Variants in CPM observed in about 807,000 individuals in gnomAD.
CPM encodes the protein renal carboxypeptidase.
A neutral mutation model predicts 46.4 loss-of-function variants in CPM; 35 were observed. The observed-to-expected ratio is 0.75, with a 90% confidence interval of 0.58 to 1.00. The LOEUF is 1.00. Ranked by LOEUF, CPM falls within the 50% of genes least tolerant of loss-of-function variation. The pLI is 0.00. For missense variants in CPM, 422 were observed against 530.4 expected (o/e 0.80, Z 2.01); for synonymous variants, 195 against 195.3 (o/e 1.00, Z 0.01).
chr12:68,923,816 T>G (rs1365613176), intron 2 of CPM, among the ~76,000 whole-genome samples: 3 of 152,224 alleles, frequency 2.0e-5, no homozygotes, highest in South Asian at 2.1e-4. Flanking sequence ...GTCAGGATTC[T>G]CTGAATATGA....
At chr12:68,919,678 A>G (rs1422808497) in intron 2 of CPM, among the ~76,000 whole-genome samples, 1 of 152,198 alleles carries the variant, frequency 6.6e-6, no homozygotes, top group Non-Finnish European at 1.5e-5. Flanking sequence ...TCAAGGCTAG[A>G]ATGTGACATT....
chr12:68,933,146 T>C lies in CPM; in HGVS notation c.-8A>G, dbSNP rs1888587685. ...CCCGCGCACCCCCAGCCTCACCAGGTCCCAGGCGCGCACCTCTACCCACCC... is the reference window on the plus strand; with the variant it reads ...CCCGCGCACCCCCAGCCTCACCAGGCCCCAGGCGCGCACCTCTACCCACCC... On this transcript the variant is annotated 5_prime_UTR_variant, in exon 1 of 9. Coordinates refer to ENST00000551568, the MANE Select transcript of CPM (RefSeq NM_198320.5). 1.9e-5 allele frequency: 4 copies of C among 215,386 alleles called. No individual in the cohort carries two copies. The South Asian group carries it at 2.6e-4, about 14-fold the overall frequency. The allele number at this position is 215,386 out of a possible 1,614,324, so 13.3% of individuals were successfully genotyped here.
upstream of CPM, among the ~76,000 whole-genome samples, chr12:68,934,599 G>A (rs1255733368): frequency 1.3e-5 from 2 of 151,996 alleles, no homozygotes; most frequent in East Asian, 3.9e-4. Context: ...TGGCTGCATA[G>A]TATTCCGTGG....
At chr12:68,874,486 G>A (rs1228523845) in intron 3 of CPM, among the ~76,000 whole-genome samples, 1 of 152,066 alleles carries the variant, frequency 6.6e-6, no homozygotes. Context: ...CATGGTGGCA[G>A]GTGACTGTAA....
At chr12:68,959,879 C>A (rs1889083808) in intron 1 of CPM, among the ~76,000 whole-genome samples, 1 of 152,214 alleles carries the variant, frequency 6.6e-6, no homozygotes, top group Non-Finnish European at 1.5e-5. Flanking sequence ...AGGCGTCTCT[C>A]CCAAAATCAG....
At chr12:68,892,585 C>T (rs542589164) in intron 2 of CPM, among the ~76,000 whole-genome samples, 1 of 152,182 alleles carries the variant, frequency 6.6e-6, no homozygotes. Flanking sequence ...GTAGGCCGGG[C>T]GTGGTGGCTC....
At chr12:68,962,155 G>C (rs1474092161) in intron 1 of CPM, among the ~76,000 whole-genome samples, 2 of 148,980 alleles carry the variant, frequency 1.3e-5, no homozygotes, top group African/African-American at 2.6e-5. Context: ...AGCCAAGATA[G>C]CGCCACTGCA....
chr12:68,920,693 C>CTTTTTTTTTTT (rs11391172), intron 2 of CPM, among the ~76,000 whole-genome samples: 2 of 131,810 alleles, frequency 1.5e-5, no homozygotes, highest in Non-Finnish European at 3.2e-5. Flanking sequence ...TTTTCTTTTT[C>CTTTTTTTTTTT]TTTTTCTTTT....
Position 68,961,996 on chromosome 12 carries a change from C to T in CPM, c.-4+1173G>A, listed in dbSNP as rs1277466218. Among the ~76,000 whole-genome samples the T allele has an allele frequency of 2.6e-5, 4 of 152,032 alleles. No homozygotes were observed. In the South Asian group the frequency reaches 6.2e-4, roughly 24 times the overall value. ...CGGGCGGATCACGAGGTCAGCAGGT[C>T]GAGACCATCCTGGCTAACGCGGTGA... On this transcript the variant is annotated intron_variant, in intron 1 of 8. Transcript: ENST00000546373.
Position 68,950,756 on chromosome 12 carries a change from C to T in CPM, c.-4+12413G>A, listed in dbSNP as rs568664559. On this transcript the variant is annotated intron_variant, in intron 1 of 8. Transcript: ENST00000546373. Reference sequence around the variant, plus strand: ...GTGTATTTACTCCTGACTAAGGTGCCGCTGTTCTTCAAAGTGATCCTCACG... The same window carrying T: ...GTGTATTTACTCCTGACTAAGGTGCTGCTGTTCTTCAAAGTGATCCTCACG... Among the ~76,000 whole-genome samples the T allele has an allele frequency of 1.9e-4, 29 of 152,234 alleles. 1 individual carries two copies. The South Asian group carries it at 3.1e-3, about 16-fold the overall frequency.
chr12:68,901,579 C>A (rs181786744), intron 2 of CPM, among the ~76,000 whole-genome samples: 330 of 152,282 alleles, frequency 2.2e-3, no homozygotes, highest in African/African-American at 7.6e-3. Context: ...AAAAGCTACA[C>A]AAATAGTTTA....
chr12:68,927,111 T>C lies in CPM; in HGVS notation c.160+5567A>G, dbSNP rs1888300415. On this transcript the variant is annotated intron_variant, in intron 2 of 8. Transcript: ENST00000551568. ...GGATGGCTGGGTCAAATGGTATTTC[T>C]AGTTCTAGATCCCTGAGGAATCGCC... Among the ~76,000 whole-genome samples the C allele has an allele frequency of 4.6e-5, 7 of 151,960 alleles. 1 individual carries two copies. In the South Asian group the frequency reaches 1.3e-3, roughly 27 times the overall value.
intron 1 of CPM, among the ~76,000 whole-genome samples, chr12:68,948,456 T>C (rs900455596): frequency 6.6e-6 from 1 of 152,018 alleles, no homozygotes; most frequent in Non-Finnish European, 1.5e-5. Flanking sequence ...GCCCATCAGA[T>C]TATGTGTTGT....
At chr12:68,910,970 GA>G (rs923814796) in intron 2 of CPM, among the ~76,000 whole-genome samples, 22 of 150,548 alleles carry the variant, frequency 1.5e-4, no homozygotes, top group Middle Eastern at 3.4e-3. Context: ...TTTAGAAGAT[GA>G]AAAAAAAATA....
Position 68,854,033 on chromosome 12 carries a change from A to T in CPM, c.*2404T>A, listed in dbSNP as rs1413799222. 1 of 152,124 alleles carries T rather than the reference A, an allele frequency of 6.6e-6. No individual in the cohort carries two copies. Among genetic ancestry groups the T allele is most frequent in the Non-Finnish European group, 1.5e-5 (1 of 68,024 alleles). The allele number at this position is 152,124 out of a possible 1,614,324, so 9.4% of individuals were successfully genotyped here. On this transcript the variant is annotated 3_prime_UTR_variant, in exon 9 of 9. Coordinates refer to ENST00000551568, the MANE Select transcript of CPM (RefSeq NM_198320.5). The stretch of plus-strand genomic sequence containing the variant: ...CCTAATGGTAAAATTTTTTTCTGAT[A>T]AAAAAAGGTACTTTGTAGTGCTGTT...
At position 68,869,324 on chromosome 12, in the gene CPM, C is replaced by T. The variant is rs750071075; in HGVS notation, c.787+1G>A. On this transcript the variant is annotated splice_donor_variant, in intron 6 of 8. Transcript: ENST00000551568. LOFTEE classifies it high-confidence loss of function. Reference sequence around the variant, plus strand: ...AATGGAAGAAATGAAGAGAAACTCACCTTGGAGTGGATACCAAGAGTATCC... The same window carrying T: ...AATGGAAGAAATGAAGAGAAACTCATCTTGGAGTGGATACCAAGAGTATCC... 21 of 1,611,652 alleles carry T rather than the reference C, an allele frequency of 1.3e-5. No individual in the cohort carries two copies. The South Asian group carries it at 2.3e-4, about 18-fold the overall frequency.
intron 2 of CPM, among the ~76,000 whole-genome samples, chr12:68,926,159 C>T (rs909493705): frequency 1.3e-5 from 2 of 152,160 alleles, no homozygotes; most frequent in African/African-American, 4.8e-5. Context: ...CTCGGGCGAT[C>T]CACCTGCCTC....
chr12:68,842,235 G>T lies in CPM; in HGVS notation c.*32C>A, dbSNP rs1883827062. The stretch of plus-strand genomic sequence containing the variant: ...ACAAATGCCAAGCTATATTTATAAT[G>T]AACAAATTCAAGAAAAAGGACTACG... On this transcript the variant is annotated 3_prime_UTR_variant, in exon 6 of 6. Transcript: ENST00000551897. 8.0e-6 allele frequency: 4 copies of T among 498,196 alleles called. No individual in the cohort carries two copies. In the East Asian group the frequency reaches 1.9e-4, roughly 23 times the overall value. 30.9% of individuals were successfully genotyped at this position (498,196 alleles called of 1,614,324 possible).
At chr12:68,906,811 C>G (rs939424427) in intron 2 of CPM, among the ~76,000 whole-genome samples, 3 of 152,230 alleles carry the variant, frequency 2.0e-5, no homozygotes, top group African/African-American at 7.2e-5. Context: ...TAGACAGCAG[C>G]CTCAAAGCAC....
Sources: gnomAD v4.1 joint callset for allele counts (sites outside exome capture counted in the v4.1 genomes callset) on GRCh38, gnomAD v4.1.1 for gene constraint, MANE v1.5 for transcripts, NCBI Gene and HGNC (gene_info 2026-07-23, HGNC 2026-07-21) for gene names.